PDE4D: variants seen among roughly 807,000 people sequenced by gnomAD.
The protein encoded by PDE4D is 3',5'-cyclic-AMP phosphodiesterase 4D.
Under a neutral mutation model 87.4 loss-of-function variants are expected in PDE4D, and 24 were observed. That is an observed-to-expected ratio of 0.27 (90% CI 0.20 to 0.39). The LOEUF (loss-of-function observed/expected upper bound fraction) is 0.39. PDE4D is among the 10% of genes least tolerant of loss of function. The pLI is 1.00. For missense variants in PDE4D, 714 were observed against 1,041.0 expected (o/e 0.69, Z 4.32); for synonymous variants, 384 against 383.2 (o/e 1.00, Z -0.02).
At chr5:59,717,636 T>A (rs1297940804) in intron 1 of PDE4D, among the ~76,000 whole-genome samples, 4 of 152,216 alleles carry the variant, frequency 2.6e-5, no homozygotes, top group African/African-American at 9.6e-5. Context: ...TACATTAAAC[T>A]GAGGACAGCT....
At chr5:59,136,480 C>T (rs1037603710) in intron 5 of PDE4D, among the ~76,000 whole-genome samples, 3 of 152,146 alleles carry the variant, frequency 2.0e-5, no homozygotes, top group Non-Finnish European at 4.4e-5. Context: ...CTGGAAATGA[C>T]CCACAAGACT....
At chr5:59,577,523 G>T (rs1234418116) in intron 1 of PDE4D, among the ~76,000 whole-genome samples, 1 of 152,136 alleles carries the variant, frequency 6.6e-6, no homozygotes, top group Non-Finnish European at 1.5e-5. Flanking sequence ...TAGCACCTTA[G>T]TGATCAGTTA....
chr5:59,364,422 T>G (rs1562037044), intron 1 of PDE4D, among the ~76,000 whole-genome samples: 1 of 152,246 alleles, frequency 6.6e-6, no homozygotes, highest in African/African-American at 2.4e-5. Flanking sequence ...AATGTAGAAG[T>G]AAATTTGAGA....
chr5:59,053,846 G>A (rs941053802), intron 5 of PDE4D, among the ~76,000 whole-genome samples: 3 of 151,562 alleles, frequency 2.0e-5, no homozygotes, highest in Admixed American at 6.6e-5. Context: ...AACCTGGGAG[G>A]CAGAGGTTGC....
chr5:59,985,306 T>A (rs1165784491), intron 3 of PDE4D, among the ~76,000 whole-genome samples: 1 of 150,600 alleles, frequency 6.6e-6, no homozygotes, highest in Non-Finnish European at 1.5e-5. Flanking sequence ...GCCCGGCTAA[T>A]TTTTTTTTGT....
At chr5:59,738,166 T>A (rs377647291) in intron 1 of PDE4D, among the ~76,000 whole-genome samples, 1 of 152,134 alleles carries the variant, frequency 6.6e-6, no homozygotes, top group Admixed American at 6.5e-5. Flanking sequence ...CTCAATTTTT[T>A]ATAGACAGGC....
chr5:59,021,107 T>C (rs1195478323), intron 6 of PDE4D, among the ~76,000 whole-genome samples: 2 of 152,128 alleles, frequency 1.3e-5, no homozygotes, highest in Non-Finnish European at 1.5e-5. Flanking sequence ...GCCTTGAAGG[T>C]CATCCAGGGT....
At position 59,071,784 on chromosome 5, in the gene PDE4D, T is replaced by C. The variant is rs535239843; in HGVS notation, c.809-32813A>G. ...TCACTGCAACCTCCATCTCCTGGGTTCAAGCAATTCTCCTGCCTCAGCCTC... is the reference window on the plus strand; with the variant it reads ...TCACTGCAACCTCCATCTCCTGGGTCCAAGCAATTCTCCTGCCTCAGCCTC... On this transcript the variant is annotated intron_variant, in intron 5 of 14. Coordinates refer to ENST00000340635, the MANE Select transcript of PDE4D (RefSeq NM_001104631.2). 2.8e-5 allele frequency among the ~76,000 whole-genome samples: 4 copies of C among 144,066 alleles called. No individual in the cohort carries two copies. The South Asian group carries it at 9.1e-4, about 33-fold the overall frequency. 94.5% of individuals were successfully genotyped at this position (144,066 alleles called of 152,430 possible). A position where few individuals can be genotyped will look rare whatever the true frequency, so the allele number is the denominator to read the frequency against.
intron 1 of PDE4D, among the ~76,000 whole-genome samples, chr5:60,486,390 T>C (rs1056974146): frequency 1.3e-5 from 2 of 152,218 alleles, no homozygotes; most frequent in Non-Finnish European, 2.9e-5. Context: ...AATGTGTTTC[T>C]AAAGGAATGT....
intron 1 of PDE4D, among the ~76,000 whole-genome samples, chr5:60,382,278 G>C (rs1266455188): frequency 1.3e-5 from 2 of 152,122 alleles, no homozygotes; most frequent in Non-Finnish European, 2.9e-5. Context: ...ATGTATCTAT[G>C]TGGCTAACAC....
chr5:59,722,284 A>G (rs1026427312), intron 1 of PDE4D, among the ~76,000 whole-genome samples: 1 of 152,204 alleles, frequency 6.6e-6, no homozygotes, highest in Non-Finnish European at 1.5e-5. Context: ...CATATTAATG[A>G]GTGAGAAATG....
At chr5:59,572,601 A>C (rs7733300) in intron 1 of PDE4D, among the ~76,000 whole-genome samples, 203 of 151,768 alleles carry the variant, frequency 1.3e-3, no homozygotes, top group Middle Eastern at 3.4e-3. Flanking sequence ...CTGCCTCAGC[A>C]TCCCGAGTAG....
intron 2 of PDE4D, among the ~76,000 whole-genome samples, chr5:60,153,842 G>T (rs1781731055): frequency 1.3e-5 from 2 of 152,138 alleles, no homozygotes; most frequent in Admixed American, 1.3e-4. Flanking sequence ...TAAAACAGTG[G>T]TTGCCAGGGT....
At chr5:60,123,414 G>T (rs1345432125) in intron 2 of PDE4D, among the ~76,000 whole-genome samples, 2 of 152,132 alleles carry the variant, frequency 1.3e-5, no homozygotes, top group Admixed American at 1.3e-4. Context: ...GGAGGCAAAA[G>T]GTACTTCTTA....
At chr5:59,571,078 C>T (rs556547364) in intron 1 of PDE4D, among the ~76,000 whole-genome samples, 1 of 152,246 alleles carries the variant, frequency 6.6e-6, no homozygotes, top group East Asian at 1.9e-4. Context: ...AAAATTTGCT[C>T]CTCCCTGATG....
At chr5:59,725,670 A>C (rs551926294) in intron 1 of PDE4D, among the ~76,000 whole-genome samples, 1 of 152,292 alleles carries the variant, frequency 6.6e-6, no homozygotes, top group Admixed American at 6.5e-5. Flanking sequence ...ATGTTATTTA[A>C]AAAGAAGCTA....
chr5:59,914,069 T>C (rs1173868025), intron 3 of PDE4D, among the ~76,000 whole-genome samples: 1 of 90,886 alleles, frequency 1.1e-5, no homozygotes, highest in Admixed American at 1.4e-4. Flanking sequence ...GAAATTGACA[T>C]ATTGACTCCC....
intron 1 of PDE4D, among the ~76,000 whole-genome samples, chr5:59,780,958 G>A (rs1021235782): frequency 7.2e-5 from 11 of 151,898 alleles, no homozygotes; most frequent in Admixed American, 5.9e-4. Context: ...CCTGAGGTCA[G>A]GAGTTCGAGA....
At chr5:60,509,751 A>G (rs1455634501) in intron 1 of PDE4D, among the ~76,000 whole-genome samples, 5 of 150,938 alleles carry the variant, frequency 3.3e-5, no homozygotes, top group African/African-American at 1.2e-4. Context: ...GTCCTGCTCC[A>G]CCCCTTTCTT....
Sources: allele counts gnomAD v4.1 joint callset (sites outside exome capture counted in the v4.1 genomes callset), GRCh38; gene constraint gnomAD v4.1.1; transcripts MANE v1.5; gene names NCBI Gene and HGNC (gene_info 2026-07-23, HGNC 2026-07-21).